CSMD1: variants seen among roughly 807,000 people sequenced by gnomAD.
CSMD1 encodes the protein CUB and Sushi multiple domains 1, also known as CUB and sushi domain-containing protein 1.
Under a neutral mutation model 417.5 loss-of-function variants are expected in CSMD1, and 213 were observed. The observed-to-expected ratio is 0.51, with a 90% CI of 0.46 to 0.57. The LOEUF is 0.57. CSMD1 is among the 20% of genes least tolerant of loss of function. CSMD1 has a pLI of 0.00. For synonymous variants in CSMD1, 2,862 were observed against 1,736.8 expected (o/e 1.65, Z -16.11); for missense variants, 6,923 against 4,529.7 (o/e 1.53, Z -15.17).
At chr8:3,197,634 T>TTG (rs1265727483) in intron 33 of CSMD1, among the ~76,000 whole-genome samples, 131 of 151,922 alleles carry the variant, frequency 8.6e-4, no homozygotes, top group African/African-American at 3.1e-3. Context: ...CCCGGCTAAT[T>TTG]TTTGTATTTT....
chr8:3,236,352 C>T (rs1185826040), intron 26 of CSMD1, among the ~76,000 whole-genome samples: 1 of 152,098 alleles, frequency 6.6e-6, no homozygotes, highest in Admixed American at 6.5e-5. Context: ...AACCCCCAAA[C>T]ACTTTGTATT....
chr8:4,108,618 G>A (rs1026075765), intron 3 of CSMD1, among the ~76,000 whole-genome samples: 2 of 152,174 alleles, frequency 1.3e-5, no homozygotes, highest in African/African-American at 2.4e-5. Flanking sequence ...TTCCCGGCCC[G>A]AGAGTCTCAG....
intron 3 of CSMD1, among the ~76,000 whole-genome samples, chr8:4,212,765 T>A (rs1800398342): frequency 6.7e-6 from 1 of 149,056 alleles, no homozygotes; most frequent in African/African-American, 2.5e-5. Flanking sequence ...TTTTTTTTTT[T>A]TTTTTTTTTT....
At chr8:4,371,424 T>G (rs1439798834) in intron 3 of CSMD1, among the ~76,000 whole-genome samples, 2 of 152,200 alleles carry the variant, frequency 1.3e-5, no homozygotes, top group Non-Finnish European at 2.9e-5. Flanking sequence ...AAGTAAGCAT[T>G]AGGTTTTTAA....
At chr8:3,791,553 G>T (rs935150997) in intron 5 of CSMD1, among the ~76,000 whole-genome samples, 1 of 152,214 alleles carries the variant, frequency 6.6e-6, no homozygotes. Flanking sequence ...GCCGGGCATG[G>T]TGGCTCACGC....
chr8:3,653,194 A>C (rs1157846179), intron 7 of CSMD1, among the ~76,000 whole-genome samples: 1 of 151,884 alleles, frequency 6.6e-6, no homozygotes, highest in Non-Finnish European at 1.5e-5. Flanking sequence ...AAATATATTT[A>C]AAATTGTAAT....
At chr8:3,067,151 C>T (rs1171017937) in intron 49 of CSMD1, among the ~76,000 whole-genome samples, 1 of 152,152 alleles carries the variant, frequency 6.6e-6, no homozygotes, top group Non-Finnish European at 1.5e-5. Context: ...CACCTCTCGA[C>T]CTGTCTGAGA....
intron 3 of CSMD1, among the ~76,000 whole-genome samples, chr8:4,051,243 G>C (rs1798409055): frequency 1.3e-5 from 2 of 150,412 alleles, no homozygotes; most frequent in African/African-American, 2.5e-5. Context: ...ACAATGCCAA[G>C]CTTCCTGGAT....
At chr8:3,323,469 A>G (rs1358251695) in intron 23 of CSMD1, among the ~76,000 whole-genome samples, 3 of 151,634 alleles carry the variant, frequency 2.0e-5, no homozygotes, top group Non-Finnish European at 4.4e-5. Context: ...TCTCTCACAT[A>G]CTCCACACCC....
chr8:4,558,437 T>C (rs1337260919), intron 2 of CSMD1, among the ~76,000 whole-genome samples: 1 of 152,192 alleles, frequency 6.6e-6, no homozygotes, highest in Non-Finnish European at 1.5e-5. Context: ...TTTAACCTAA[T>C]AATCAGCTTA....
intron 5 of CSMD1, among the ~76,000 whole-genome samples, chr8:3,844,462 T>C (rs187542609): frequency 1.2e-4 from 19 of 152,322 alleles, no homozygotes; most frequent in Admixed American, 1.2e-3. Flanking sequence ...AGGGAGTTGA[T>C]GTATGGATTC....
At chr8:3,846,611 A>G (rs188596657) in intron 5 of CSMD1, among the ~76,000 whole-genome samples, 6 of 152,300 alleles carry the variant, frequency 3.9e-5, no homozygotes, top group South Asian at 2.1e-4. Flanking sequence ...AAACATTAGC[A>G]GTTATTATCA....
intron 7 of CSMD1, among the ~76,000 whole-genome samples, chr8:3,641,643 T>C (rs562123346): frequency 1.3e-5 from 2 of 152,158 alleles, no homozygotes; most frequent in Admixed American, 6.5e-5. Context: ...CCAGCATTTA[T>C]AGTCACGTAG....
intron 1 of CSMD1, among the ~76,000 whole-genome samples, chr8:4,941,177 A>C (rs949608237): frequency 2.0e-5 from 3 of 152,364 alleles, no homozygotes; most frequent in Admixed American, 6.5e-5. Flanking sequence ...ATTAAAATAA[A>C]AAACAAAAAT....
chr8:4,798,187 G>A lies in CSMD1; in HGVS notation c.86-160629C>T, dbSNP rs367798704. 1.7e-3 allele frequency among the ~76,000 whole-genome samples: 251 copies of A among 152,030 alleles called. 1 individual carries two copies. Among genetic ancestry groups the A allele is most frequent in the African/African-American group, 5.4e-3 (225 of 41,464 alleles). On this transcript the variant is annotated intron_variant, in intron 1 of 69. Coordinates refer to ENST00000635120, the MANE Select transcript of CSMD1 (RefSeq NM_033225.6). ...CTTCCCCCACCCAATGACAGGCCCC[G>A]GTGTGTGATGTTCCCCTTCTTGTGT...
chr8:4,032,547 G>T (rs1002535019), intron 3 of CSMD1, among the ~76,000 whole-genome samples: 1 of 152,086 alleles, frequency 6.6e-6, no homozygotes, highest in African/African-American at 2.4e-5. Context: ...TTCCACGACT[G>T]GTACAGTGTC....
At chr8:3,183,052 C>T (rs1418728722) in intron 36 of CSMD1, 1 of 151,884 alleles carries the variant, frequency 6.6e-6, no homozygotes. Flanking sequence ...GCCACCGCAC[C>T]CGGCCTAGAA....
At chr8:4,601,952 G>T (rs930560577) in intron 2 of CSMD1, among the ~76,000 whole-genome samples, 1 of 152,128 alleles carries the variant, frequency 6.6e-6, no homozygotes, top group Non-Finnish European at 1.5e-5. Flanking sequence ...ACAGGTGCTG[G>T]AGGAACCTCC....
chr8:3,843,534 A>G (rs775100146), intron 5 of CSMD1, among the ~76,000 whole-genome samples: 17 of 152,074 alleles, frequency 1.1e-4, no homozygotes, highest in Non-Finnish European at 2.4e-4. Flanking sequence ...AACTATATAA[A>G]AGTAAAAAAA....
Sources: allele counts gnomAD v4.1 joint callset (sites outside exome capture counted in the v4.1 genomes callset), GRCh38; gene constraint gnomAD v4.1.1; transcripts MANE v1.5; gene names NCBI Gene and HGNC (gene_info 2026-07-23, HGNC 2026-07-21).